Variants in DGKI observed in about 807,000 individuals in gnomAD.
The protein encoded by DGKI is diacylglycerol kinase iota, also known as DAG kinase iota.
In DGKI, 55 loss-of-function variants were observed where a neutral mutation model predicts 147.5. The ratio of observed to expected loss-of-function variants is 0.37; its 90% CI spans 0.30 to 0.47. The LOEUF (loss-of-function observed/expected upper bound fraction) is 0.47. DGKI is among the 20% of genes least tolerant of loss of function. DGKI has a pLI of 1.00. For missense variants in DGKI, 1,007 were observed against 1,323.8 expected (o/e 0.76, Z 3.71); for synonymous variants, 469 against 477.1 (o/e 0.98, Z 0.22).
intron 31 of DGKI, 166 bp from the exon 32 acceptor site, chr7:137,395,863 A>G (rs1464737668): frequency 1.7e-6 from 1 of 576,582 alleles, no homozygotes; most frequent in Non-Finnish European, 3.1e-6. Flanking sequence ...ATTTCTAAAA[A>G]TTCCTTGAGC....
At chr7:137,570,571 G>C (rs10280229) in intron 19 of DGKI, among the ~76,000 whole-genome samples, 19,899 of 151,580 alleles carry the variant, frequency 0.13, 2,202 homozygotes, top group African/African-American at 0.3. Context: ...CTGTGCCAAT[G>C]CTGGGATGTT....
At chr7:137,620,103 C>A (rs1585294311) in intron 7 of DGKI, among the ~76,000 whole-genome samples, 163 bp from the exon 8 acceptor site, 1 of 151,998 alleles carries the variant, frequency 6.6e-6, no homozygotes, top group Non-Finnish European at 1.5e-5. Context: ...CACACATGGG[C>A]ACACACTGAG....
chr7:137,406,341 T>C (rs111463387), intron 30 of DGKI, among the ~76,000 whole-genome samples: 15 of 151,928 alleles, frequency 9.9e-5, no homozygotes, highest in African/African-American at 3.1e-4. Context: ...GCCAGGGAAA[T>C]AGGAGATGGA....
chr7:137,644,925 C>T (rs1821772033), intron 6 of DGKI, among the ~76,000 whole-genome samples: 2 of 152,182 alleles, frequency 1.3e-5, no homozygotes, highest in Non-Finnish European at 2.9e-5. Context: ...GCTCACTTTT[C>T]CAAGTGGCAC....
chr7:137,424,545 T>C (rs1305557527), intron 28 of DGKI, among the ~76,000 whole-genome samples: 1 of 152,048 alleles, frequency 6.6e-6, no homozygotes, highest in Admixed American at 6.5e-5. Flanking sequence ...CACAGGACAG[T>C]GGATGCAGTG....
intron 1 of DGKI, among the ~76,000 whole-genome samples, chr7:137,730,152 C>T (rs765074634): frequency 6.6e-6 from 1 of 152,100 alleles, no homozygotes. Context: ...AATAGGCCGC[C>T]TACACACCAA....
In DGKI at chr7:137,846,852, G is replaced by T. The variant is rs1453393669; in HGVS notation, c.11C>A (p.Ala4Glu). The stretch of plus-strand genomic sequence containing the variant: ...GGGCAGCAAATGGCAGCCCCTTCCC[G>T]CAGCATCCATCCGCGGCTGCACCGC... MDA[A>E]GRGCHLLPLP... Residue 4 changes from alanine to glutamate, a missense_variant, in exon 1 of 33, where the codon GCG (alanine) becomes GAG (glutamate). By Grantham distance (107) the Ala-to-Glu change is moderately radical. Coordinates refer to ENST00000614521, the MANE Select transcript of DGKI (RefSeq NM_001321708.2). The surrounding 1 kb of genome is among the most constrained non-coding windows in gnomAD (Gnocchi z 4.0). 64 of 1,145,306 alleles carry T rather than the reference G, an allele frequency of 5.6e-5. No individual in the cohort carries two copies. The highest frequency in any genetic ancestry group is 6.9e-5 in the Non-Finnish European group (64 of 931,974). 70.9% of individuals were successfully genotyped at this position (1,145,306 alleles called of 1,614,324 possible).
At chr7:137,763,257 T>C (rs969544379) in intron 1 of DGKI, among the ~76,000 whole-genome samples, 2 of 152,252 alleles carry the variant, frequency 1.3e-5, no homozygotes, top group African/African-American at 4.8e-5. Flanking sequence ...AATGATGCTA[T>C]CTGACTATCT....
At chr7:137,472,557 T>C (rs140198256) in intron 23 of DGKI, among the ~76,000 whole-genome samples, 1,646 of 149,702 alleles carry the variant, frequency 0.011, 23 homozygotes, top group African/African-American at 0.037. Flanking sequence ...AAGTAAAATC[T>C]TGACATGTGC....
At chr7:137,583,266 A>G (rs1163537177) in intron 14 of DGKI, among the ~76,000 whole-genome samples, 1 of 152,194 alleles carries the variant, frequency 6.6e-6, no homozygotes, top group Non-Finnish European at 1.5e-5. Flanking sequence ...GAGAGAAACT[A>G]AACACATAGA....
intron 28 of DGKI, among the ~76,000 whole-genome samples, chr7:137,424,883 A>C (rs897067478): frequency 6.6e-6 from 1 of 152,252 alleles, no homozygotes; most frequent in African/African-American, 2.4e-5. Flanking sequence ...CAAAGCAGCC[A>C]GGAAGCTCGA....
chr7:137,432,459 C>G (rs142853949), intron 28 of DGKI, among the ~76,000 whole-genome samples: 117 of 152,314 alleles, frequency 7.7e-4, no homozygotes, highest in African/African-American at 2.7e-3. Context: ...CTCACTCTCT[C>G]TTGCACACTT....
intron 1 of DGKI, among the ~76,000 whole-genome samples, chr7:137,743,419 A>G (rs1795236152): frequency 6.6e-6 from 1 of 152,264 alleles, no homozygotes; most frequent in African/African-American, 2.4e-5. Flanking sequence ...AGTAGAAATT[A>G]TACAAAGCAT....
intron 27 of DGKI, among the ~76,000 whole-genome samples, chr7:137,457,422 C>T (rs965320424): frequency 2.0e-5 from 3 of 152,148 alleles, no homozygotes; most frequent in Non-Finnish European, 4.4e-5. Context: ...CACAATTACC[C>T]TTTTTATTAG....
intron 32 of DGKI, among the ~76,000 whole-genome samples, chr7:137,393,301 T>C (rs1015871053): frequency 2.6e-5 from 4 of 152,176 alleles, no homozygotes; most frequent in Non-Finnish European, 5.9e-5. Flanking sequence ...GTCTTTTATC[T>C]GATTCAGAAA....
At chr7:137,421,027 A>T (rs1220412036) in intron 28 of DGKI, among the ~76,000 whole-genome samples, 1 of 152,192 alleles carries the variant, frequency 6.6e-6, no homozygotes, top group Non-Finnish European at 1.5e-5. Flanking sequence ...TCAATAAAAA[A>T]GAAAAAGAAA....
chr7:137,440,217 G>C (rs1010052269), intron 28 of DGKI, among the ~76,000 whole-genome samples: 7 of 152,192 alleles, frequency 4.6e-5, no homozygotes, highest in Non-Finnish European at 1.0e-4. Flanking sequence ...TTCTAACAAG[G>C]AGTAGGGCTC....
intron 3 of DGKI, among the ~76,000 whole-genome samples, chr7:137,669,518 T>G (rs111865391): frequency 1.3e-5 from 2 of 152,166 alleles, no homozygotes; most frequent in African/African-American, 4.8e-5. Flanking sequence ...TGCAAATTAT[T>G]TTTATTACTA....
intron 21 of DGKI, among the ~76,000 whole-genome samples, chr7:137,494,364 C>T (rs1815883539): frequency 6.6e-6 from 1 of 151,998 alleles, no homozygotes; most frequent in Non-Finnish European, 1.5e-5. Context: ...CCAAGACACA[C>T]AGTCATCAGA....
Sources: allele counts gnomAD v4.1 joint callset (sites outside exome capture counted in the v4.1 genomes callset), GRCh38; gene constraint gnomAD v4.1.1; non-coding constraint Gnocchi (gnomAD v3.1); transcripts MANE v1.5; gene names NCBI Gene and HGNC (gene_info 2026-07-23, HGNC 2026-07-21).